The following CAVIN1 variants were observed in gnomAD, a reference collection of about 807,000 sequenced individuals.
CAVIN1 encodes the protein caveolae associated protein 1.
Under a neutral mutation model 24.0 loss-of-function variants are expected in CAVIN1, and 16 were observed. The observed-to-expected ratio is 0.67, with a 90% CI of 0.45 to 1.01. CAVIN1 has a LOEUF of 1.01. Among genes scored for constraint, CAVIN1 ranks in the 50% least tolerant of loss-of-function variants. The pLI, the probability that CAVIN1 is intolerant of heterozygous loss-of-function variation, is 0.00. For missense variants in CAVIN1, 510 were observed against 551.7 expected (o/e 0.92, Z 0.76); for synonymous variants, 256 against 256.4 (o/e 1.00, Z 0.02).
rs191354250 is a variant in CAVIN1, at chr17:42,406,575, C to A, written c.472-1187G>T. On this transcript the variant is annotated intron_variant, in intron 1 of 1. Transcript: ENST00000357037. ...TATTTTTAGTAGACTCGGGGTTTCA[C>A]CATGTTGGTCAGATTGGTCTCGAAC... is the stretch of plus-strand genomic sequence containing the variant. Among the ~76,000 whole-genome samples, 10 of 152,198 alleles carry A rather than the reference C, an allele frequency of 6.6e-5. No individual in the cohort carries two copies. In the East Asian group the frequency reaches 1.9e-3, roughly 29 times the overall value.
chr17:42,422,943 A>G lies in CAVIN1; in HGVS notation c.155T>C (p.Val52Ala), dbSNP rs1319113038. 2 of 1,613,966 alleles carry G rather than the reference A, an allele frequency of 1.2e-6. No individual in the cohort carries two copies. The highest frequency in any genetic ancestry group is 1.7e-5 in the Admixed American group (1 of 60,018). The change falls in exon 1 of 2, where the codon GTG (valine) becomes GCG (alanine). Residue 52 changes from valine (V) to alanine (A), a missense_variant. Val to Ala is a moderately conservative substitution (Grantham distance 64). Transcript: ENST00000357037. ...ELIKSDQVNG[V>A]LVLSLLDKII... is the part of the protein sequence containing the mutation. ...TTTGTCCAGGAGGCTCAGCACCAGC[A>G]CGCCGTTCACCTGGTCCGACTTGAT...
rs774514924 is a variant in CAVIN1 at position 42,422,639 on chromosome 17, G to A, written c.459C>T (p.Val153=). 2.5e-6 allele frequency: 4 copies of A among 1,582,014 alleles called. No homozygotes were observed. Among genetic ancestry groups the A allele is most frequent in the Middle Eastern group, 1.7e-4 (1 of 6,028 alleles). ...CCTGTGGGCTCACCTGGTAGATCAT[G>A]ACTTTAAAGTTGCGGCGCCGCAGCA... ...AELLRRRNFK[V]MIYQDEVKLP... The change falls in exon 1 of 2, where the codon GTC becomes GTT. Residue 153 remains valine (V), a synonymous_variant. Transcript: ENST00000357037.
intron 1 of CAVIN1, among the ~76,000 whole-genome samples, chr17:42,405,682 G>GTTTTTTTTTTTTTTTTTT (rs531661585): frequency 1.7e-5 from 1 of 57,828 alleles, no homozygotes; most frequent in African/African-American, 4.9e-5. Context: ...CTCTCTCCTT[G>GTTTTTTTTTTTTTTTTTT]TTTTTTTTTT....
intron 1 of CAVIN1, chr17:42,412,035 C>T (rs1190113742): frequency 4.1e-6 from 4 of 985,212 alleles, no homozygotes; most frequent in Non-Finnish European, 2.4e-6. Context: ...GAACGGGATC[C>T]GGGAGACCCT....
intron 1 of CAVIN1, chr17:42,411,724 AG>A: frequency 4.1e-6 from 4 of 985,454 alleles, no homozygotes; most frequent in Non-Finnish European, 4.8e-6. Flanking sequence ...AGGAGGCAGC[AG>A]GGGGAACGGC....
Position 42,405,243 on chromosome 17 carries a change from G to T in CAVIN1, c.617C>A (p.Ala206Glu). The T allele has an allele frequency of 6.2e-7, 1 of 1,613,602 alleles. No homozygotes were observed. The highest frequency in any genetic ancestry group is 8.5e-7 in the Non-Finnish European group (1 of 1,179,914). Residue 206 changes from alanine (A) to glutamate (E), a missense_variant, in exon 2 of 2, where the codon GCG (alanine) becomes GAG (glutamate). Transcript: ENST00000357037. ...CTCAATAACCTCCTCAACCTCCACC[G>T]CCTCGTCCGACGAAAGCTCCAGCGC... is the stretch of plus-strand genomic sequence containing the variant. ...AAALELSSDE[A>E]VEVEEVIEES...
Position 42,405,183 on chromosome 17 carries a change from AGGCC to A in CAVIN1, c.673_676del (p.Gly225CysfsTer49). On this transcript the variant is annotated frameshift_variant, in exon 2 of 2. Coordinates refer to ENST00000357037, the MANE Select transcript of CAVIN1 (RefSeq NM_012232.6). LOFTEE classifies it high-confidence loss of function. ...CTTCTTGAAGTCGTCCACGCGCCGCAGGCCGCTGCGCTTGATACGCTCTGCGCGG... is the reference window on the plus strand; with the variant it reads ...CTTCTTGAAGTCGTCCACGCGCCGCAGCTGCGCTTGATACGCTCTGCGCGG... The A allele has an allele frequency of 6.2e-7, 1 of 1,613,996 alleles. No homozygotes were observed. The highest frequency in any genetic ancestry group is 8.5e-7 in the Non-Finnish European group (1 of 1,179,986).
chr17:42,406,340 G>A (rs771097730), intron 1 of CAVIN1, among the ~76,000 whole-genome samples: 1 of 151,574 alleles, frequency 6.6e-6, no homozygotes, highest in Non-Finnish European at 1.5e-5. Context: ...AGCAGGTAAA[G>A]TAAAGGAAGT....
chr17:42,407,450 C>T (rs1438893773), intron 1 of CAVIN1, among the ~76,000 whole-genome samples: 1 of 152,084 alleles, frequency 6.6e-6, no homozygotes, highest in Admixed American at 6.6e-5. Flanking sequence ...ACAGAAATTC[C>T]TTCCCCAGCC....
At chr17:42,409,033 C>G (rs2085461455) in intron 1 of CAVIN1, among the ~76,000 whole-genome samples, 1 of 150,418 alleles carries the variant, frequency 6.6e-6, no homozygotes, top group Non-Finnish European at 1.5e-5. Flanking sequence ...CTCAAGGGAT[C>G]CTCCCACCTC....
At chr17:42,411,732 C>G (rs570720453) in intron 1 of CAVIN1, 1 of 985,282 alleles carries the variant, frequency 1.0e-6, no homozygotes, top group African/African-American at 1.7e-5. Context: ...GCAGGGGGAA[C>G]GGCAGAACCA....
Position 42,422,649 on chromosome 17 carries a change from T to A in CAVIN1, c.449A>T (p.Asn150Ile), listed in dbSNP as rs2145490025. 6.3e-7 allele frequency: 1 copy of A among 1,589,768 alleles called. No individual in the cohort carries two copies. The highest frequency in any genetic ancestry group is 8.6e-7 in the Non-Finnish European group (1 of 1,168,514). Residue 150 changes from asparagine to isoleucine, a missense_variant, in exon 1 of 2, where the codon AAC (asparagine) becomes ATC (isoleucine). By Grantham distance (149) the Asn-to-Ile change is moderately radical. Coordinates refer to ENST00000357037, the MANE Select transcript of CAVIN1 (RefSeq NM_012232.6). Reference sequence around the variant, plus strand: ...CACCTGGTAGATCATGACTTTAAAGTTGCGGCGCCGCAGCAGCTCGGCCTC... The same window carrying A: ...CACCTGGTAGATCATGACTTTAAAGATGCGGCGCCGCAGCAGCTCGGCCTC... ...VNEAELLRRR[N>I]FKVMIYQDEV...
intron 1 of CAVIN1, among the ~76,000 whole-genome samples, chr17:42,419,775 G>GA (rs2085533956): frequency 6.6e-6 from 1 of 152,078 alleles, no homozygotes; most frequent in African/African-American, 2.4e-5. Context: ...AAACTGCTAG[G>GA]TTTTGTTTGG....
intron 1 of CAVIN1, among the ~76,000 whole-genome samples, chr17:42,409,477 T>C (rs2085463763): frequency 6.6e-6 from 1 of 152,094 alleles, no homozygotes; most frequent in Admixed American, 6.6e-5. Context: ...CCATTCATCG[T>C]AGGCTTCCCC....
At chr17:42,420,369 CCTCCAGCAGCCGGGTCCCCACCTGGAA>C (rs1232343838) in intron 1 of CAVIN1, among the ~76,000 whole-genome samples, 6 of 152,352 alleles carry the variant, frequency 3.9e-5, no homozygotes, top group South Asian at 4.1e-4. Context: ...CCTCTGCTTT[CCTCCAGCAGCCGGGTCCCCACCTGGAA>C]CATCTGCTCT....
chr17:42,420,915 G>C (rs2085541045), intron 1 of CAVIN1, among the ~76,000 whole-genome samples: 1 of 152,130 alleles, frequency 6.6e-6, no homozygotes, highest in Non-Finnish European at 1.5e-5. Flanking sequence ...TGCTGTCCCA[G>C]ACCCCTGTCT....
rs2085431020 is a variant in CAVIN1 at position 42,404,711 on chromosome 17, C to T, written c.1149G>A (p.Leu383=). 6.7e-7 allele frequency: 1 copy of T among 1,487,128 alleles called. No individual in the cohort carries two copies. Among genetic ancestry groups the T allele is most frequent in the Non-Finnish European group, 8.9e-7 (1 of 1,125,468 alleles). 92.1% of individuals were successfully genotyped at this position (1,487,128 alleles called of 1,614,324 possible). A position where few individuals can be genotyped will look rare whatever the true frequency, so the allele number is the denominator to read the frequency against. ...LEITEESDAV[L]VDKSDSD is the part of the protein sequence containing the mutation. ...CTCAGTCGCTGTCGCTCTTGTCCACCAGCACGGCGTCCGACTCCTCGGTGA... is the reference window on the plus strand; with the variant it reads ...CTCAGTCGCTGTCGCTCTTGTCCACTAGCACGGCGTCCGACTCCTCGGTGA... Residue 383 remains leucine, a synonymous_variant, in exon 2 of 2, where the codon CTG becomes CTA. Coordinates refer to ENST00000357037, the MANE Select transcript of CAVIN1 (RefSeq NM_012232.6).
At position 42,423,154 on chromosome 17, in the gene CAVIN1, C is replaced by T; in HGVS notation, c.-57G>A. The T allele has an allele frequency of 7.4e-7, 1 of 1,360,330 alleles. No individual in the cohort carries two copies. The allele number at this position is 1,360,330 out of a possible 1,614,324, so 84.3% of individuals were successfully genotyped here. ...TGGGGCTGGAGCTGGAGCGGGAGAC[C>T]CGGAGAGAAGCAGGAGCGGAAGGGA... On this transcript the variant is annotated 5_prime_UTR_variant, in exon 1 of 2. Transcript: ENST00000357037.
intron 1 of CAVIN1, among the ~76,000 whole-genome samples, chr17:42,413,704 C>G (rs1419280211): frequency 6.6e-6 from 1 of 151,896 alleles, no homozygotes; most frequent in East Asian, 1.9e-4. Flanking sequence ...ATTCCCCAGT[C>G]CCATTCTTGG....
Sources: gnomAD v4.1 joint callset for allele counts (sites outside exome capture counted in the v4.1 genomes callset) on GRCh38, gnomAD v4.1.1 for gene constraint, MANE v1.5 for transcripts, NCBI Gene and HGNC (gene_info 2026-07-23, HGNC 2026-07-21) for gene names.